Variants in KHDRBS2 observed in about 807,000 individuals in gnomAD.
KHDRBS2 encodes the protein KH RNA binding domain containing, signal transduction associated 2.
A neutral mutation model predicts 44.3 loss-of-function variants in KHDRBS2; 26 were observed. That is an observed-to-expected ratio of 0.59 (90% CI 0.43 to 0.81). The LOEUF (loss-of-function observed/expected upper bound fraction) is 0.81. Among genes scored for constraint, KHDRBS2 ranks in the 40% least tolerant of loss-of-function variants. The probability of loss-of-function intolerance (pLI) is 0.00; values close to 1 mark genes in which losing one functional copy is unlikely to be tolerated. For missense variants in KHDRBS2, 476 were observed against 433.1 expected, an observed-to-expected ratio of 1.10 and a Z score of -0.88; for synonymous variants, 194 against 151.1, an observed-to-expected ratio of 1.28 and a Z score of -2.08.
At chr6:62,108,260 G>C (rs528803851) in intron 2 of KHDRBS2, among the ~76,000 whole-genome samples, 7 of 151,676 alleles carry the variant, frequency 4.6e-5, no homozygotes, top group African/African-American at 7.3e-5. Flanking sequence ...AAAAAACAAA[G>C]AACCCCATCA....
chr6:62,104,591 T>C (rs1462498517), intron 2 of KHDRBS2, among the ~76,000 whole-genome samples: 1 of 151,396 alleles, frequency 6.6e-6, no homozygotes, highest in Admixed American at 6.6e-5. Context: ...AAATGTATTC[T>C]AAACTGAAGG....
intron 2 of KHDRBS2, among the ~76,000 whole-genome samples, chr6:62,057,021 G>A (rs1790437245): frequency 6.6e-6 from 1 of 151,902 alleles, no homozygotes; most frequent in Non-Finnish European, 1.5e-5. Context: ...TGTTAAAATA[G>A]AACACGAAGA....
At chr6:61,857,996 A>T (rs1175884282) in intron 6 of KHDRBS2, among the ~76,000 whole-genome samples, 1 of 152,012 alleles carries the variant, frequency 6.6e-6, no homozygotes, top group Non-Finnish European at 1.5e-5. Context: ...TTTGCATAAC[A>T]TCTAAGAAAT....
Position 61,919,398 on chromosome 6 carries a change from A to T in KHDRBS2, c.484-18027T>A, listed in dbSNP as rs1463665906. Among the ~76,000 whole-genome samples, 11 of 151,902 alleles carry T rather than the reference A, an allele frequency of 7.2e-5. No individual in the cohort carries two copies. The Admixed American group carries it at 7.2e-4, about 10-fold the overall frequency. On this transcript the variant is annotated intron_variant, in intron 4 of 8. Coordinates refer to ENST00000281156, the MANE Select transcript of KHDRBS2 (RefSeq NM_152688.4). ...AGCTCACATTATAGCAAAATGGGCA[A>T]TAAATGACAGTATAGTCATTTGTAG... is the stretch of plus-strand genomic sequence containing the variant.
chr6:61,721,371 G>T (rs1314895087), intron 7 of KHDRBS2, among the ~76,000 whole-genome samples: 6 of 151,944 alleles, frequency 3.9e-5, no homozygotes, highest in Non-Finnish European at 8.8e-5. Flanking sequence ...ACCTCGGGCA[G>T]TATGGCCATT....
At chr6:62,141,581 C>T (rs1037650973) in intron 2 of KHDRBS2, among the ~76,000 whole-genome samples, 1 of 152,156 alleles carries the variant, frequency 6.6e-6, no homozygotes, top group East Asian at 1.9e-4. Flanking sequence ...TTTCCCTGTG[C>T]CTAATGAATA....
chr6:61,892,023 T>A (rs1391441229), intron 6 of KHDRBS2, among the ~76,000 whole-genome samples: 2 of 152,162 alleles, frequency 1.3e-5, no homozygotes, highest in Non-Finnish European at 2.9e-5. Context: ...GTCCAAAATC[T>A]CCTTAAGCTA....
intron 3 of KHDRBS2, among the ~76,000 whole-genome samples, chr6:62,021,975 C>T (rs1355341237): frequency 6.7e-6 from 1 of 149,008 alleles, no homozygotes; most frequent in Admixed American, 6.8e-5. Flanking sequence ...CATATATACA[C>T]ACACTATATA....
chr6:61,657,012 G>C, the KHDRBS2 span, among the ~76,000 whole-genome samples: 9 of 151,832 alleles, frequency 5.9e-5, no homozygotes, highest in African/African-American at 1.9e-4. Context: ...CAATCACAAG[G>C]CACCTGGAGA....
intron 2 of KHDRBS2, among the ~76,000 whole-genome samples, chr6:62,163,204 G>T (rs1818001915): frequency 6.6e-6 from 1 of 151,974 alleles, no homozygotes; most frequent in Non-Finnish European, 1.5e-5. Context: ...AAATAGTCTT[G>T]TCCTGGAAGC....
intron 6 of KHDRBS2, among the ~76,000 whole-genome samples, chr6:61,774,594 G>A (rs773098801): frequency 5.3e-5 from 8 of 151,824 alleles, no homozygotes; most frequent in Non-Finnish European, 8.8e-5. Context: ...TACAAGGGAC[G>A]AGAAGTTGAA....
rs199688367 is a variant in KHDRBS2 at position 62,104,737 on chromosome 6, G to GA, written c.220-56744dup. The stretch of plus-strand genomic sequence containing the variant: ...ACCTCAGGTTACAAATTAAGAAGTT[G>GA]AAAAAAAAGAACAAATTAAATATTA... On this transcript the variant is annotated intron_variant, in intron 2 of 8. Coordinates refer to ENST00000281156, the MANE Select transcript of KHDRBS2 (RefSeq NM_152688.4). 1.5e-3 allele frequency among the ~76,000 whole-genome samples: 228 copies of GA among 150,354 alleles called. 1 individual carries two copies. Among genetic ancestry groups the GA allele is most frequent in the African/African-American group, 5.3e-3 (216 of 41,018 alleles).
chr6:61,546,245 T>A, the KHDRBS2 span, among the ~76,000 whole-genome samples: 1 of 151,864 alleles, frequency 6.6e-6, no homozygotes, highest in African/African-American at 2.4e-5. Flanking sequence ...GATGTACATA[T>A]TTGATCAAAT....
the KHDRBS2 span, among the ~76,000 whole-genome samples, chr6:61,551,481 T>C: frequency 6.6e-6 from 1 of 152,120 alleles, no homozygotes; most frequent in Non-Finnish European, 1.5e-5. Flanking sequence ...TTATCTTCCA[T>C]GGTTTTTTAG....
At chr6:62,234,697 T>A (rs1833423818) in intron 1 of KHDRBS2, among the ~76,000 whole-genome samples, 1 of 152,050 alleles carries the variant, frequency 6.6e-6, no homozygotes, top group East Asian at 1.9e-4. Context: ...TAGCACTGAC[T>A]ACCTCATTAC....
chr6:61,567,575 C>T, the KHDRBS2 span, among the ~76,000 whole-genome samples: 4 of 152,102 alleles, frequency 2.6e-5, no homozygotes, highest in Admixed American at 6.6e-5. Flanking sequence ...TGGGAGTTTG[C>T]GCCTGCAATG....
At chr6:62,179,206 T>G (rs1250056067) in intron 1 of KHDRBS2, among the ~76,000 whole-genome samples, 1 of 151,666 alleles carries the variant, frequency 6.6e-6, no homozygotes, top group Non-Finnish European at 1.5e-5. Flanking sequence ...CTGAGTGAAA[T>G]CTACACTGCA....
At chr6:62,097,814 T>C (rs1584679856) in intron 2 of KHDRBS2, among the ~76,000 whole-genome samples, 2 of 152,146 alleles carry the variant, frequency 1.3e-5, no homozygotes, top group African/African-American at 4.8e-5. Flanking sequence ...CAGTTCTTTG[T>C]TCCTTTCTGT....
chr6:61,714,192 CAACAT>C (rs376534067), intron 7 of KHDRBS2, among the ~76,000 whole-genome samples: 165 of 151,484 alleles, frequency 1.1e-3, no homozygotes, highest in African/African-American at 3.9e-3. Context: ...CTAAACAACT[CAACAT>C]AACAACAACA....
Sources: allele counts gnomAD v4.1 joint callset (sites outside exome capture counted in the v4.1 genomes callset), GRCh38; gene constraint gnomAD v4.1.1; transcripts MANE v1.5; gene names NCBI Gene and HGNC (gene_info 2026-07-23, HGNC 2026-07-21).